Variants in CDC16 observed in about 807,000 individuals in gnomAD.
CDC16 encodes cell division cycle 16.
A neutral mutation model predicts 87.0 loss-of-function variants in CDC16; 34 were observed. The observed-to-expected ratio is 0.39, with a 90% CI of 0.30 to 0.52. The LOEUF is 0.52. Ranked by LOEUF, CDC16 falls within the 20% of genes least tolerant of loss-of-function variation. The pLI is 0.74. For missense variants in CDC16, 653 were observed against 751.9 expected (o/e 0.87, Z 1.54); for synonymous variants, 263 against 260.6 (o/e 1.01, Z -0.09).
At position 114,235,071 on chromosome 13, in the gene CDC16, G is replaced by A. The variant is rs1335513469; in HGVS notation, c.-14G>A. The A allele has an allele frequency of 2.4e-6, 3 of 1,246,734 alleles. No individual in the cohort carries two copies. Among genetic ancestry groups the A allele is most frequent in the Non-Finnish European group, 3.0e-6 (3 of 996,370 alleles). The allele number at this position is 1,246,734 out of a possible 1,614,324, so 77.2% of individuals were successfully genotyped here. On this transcript the variant is annotated 5_prime_UTR_variant, in exon 1 of 18. Coordinates refer to ENST00000356221, the MANE Select transcript of CDC16 (RefSeq NM_001078645.3). Reference sequence around the variant, plus strand: ...TAGCGGCGGAGTGTGGCGTGAGGCCGGGCCCGCGCCGCCATGAACCTAGAG... The same window carrying A: ...TAGCGGCGGAGTGTGGCGTGAGGCCAGGCCCGCGCCGCCATGAACCTAGAG...
At position 114,244,883 on chromosome 13, in the gene CDC16, C is replaced by T. The variant is rs1407590439; in HGVS notation, c.768-7C>T. 1.9e-6 allele frequency: 3 copies of T among 1,603,122 alleles called. No individual in the cohort carries two copies. Among genetic ancestry groups the T allele is most frequent in the African/African-American group, 2.7e-5 (2 of 74,532 alleles). On this transcript the variant is annotated splice_region_variant and splice_polypyrimidine_tract_variant and intron_variant, in intron 8 of 17. Coordinates refer to ENST00000356221, the MANE Select transcript of CDC16 (RefSeq NM_001078645.3). ...TGGGGGTAGTAATGTGTCGCTTTAA[C>T]TTTCAGAGTAATGGAGAAAGATCCT...
At chr13:114,237,544 G>T (rs572666000) in intron 3 of CDC16, among the ~76,000 whole-genome samples, 5 of 151,986 alleles carry the variant, frequency 3.3e-5, no homozygotes, top group Non-Finnish European at 5.9e-5. Context: ...CTCCCGCCTT[G>T]GTCTCCCAAA....
Position 114,272,493 on chromosome 13 carries a change from T to C in CDC16, c.*50T>C. ...CTGTCCCAGTGTAGGTTAGTATTCC[T>C]TCACATCCTCTCCATGGCTTAAGAA... On this transcript the variant is annotated 3_prime_UTR_variant, in exon 18 of 18. Coordinates refer to ENST00000356221, the MANE Select transcript of CDC16 (RefSeq NM_001078645.3). 1 of 1,523,784 alleles carries C rather than the reference T, an allele frequency of 6.6e-7. No individual in the cohort carries two copies. The highest frequency in any genetic ancestry group is 2.3e-5 in the East Asian group (1 of 44,278). The allele number at this position is 1,523,784 out of a possible 1,614,324, so 94.4% of individuals were successfully genotyped here. A position where few individuals can be genotyped will look rare whatever the true frequency, so the allele number is the denominator to read the frequency against.
chr13:114,241,377 C>T (rs1460598049), intron 5 of CDC16, among the ~76,000 whole-genome samples: 1 of 152,220 alleles, frequency 6.6e-6, no homozygotes, highest in Non-Finnish European at 1.5e-5. Context: ...TGTGCTGCCT[C>T]AGCAGGCCAT....
In CDC16 at chr13:114,235,127, G is replaced by T; in HGVS notation, c.43G>T (p.Asp15Tyr). ...RLRKRVRQYL[D>Y]QQQYQSALFW... ...GCGGAAGCGCGTCCGGCAGTACCTC[G>T]ACCAGGTGGGCGGCCCCGACTCGGG... The change falls in exon 1 of 18, where the codon GAC becomes TAC. Residue 15 changes from aspartate (D) to tyrosine (Y), a missense_variant. Asp to Tyr is a radical substitution (Grantham distance 160, BLOSUM62 -3). Coordinates refer to ENST00000356221, the MANE Select transcript of CDC16 (RefSeq NM_001078645.3). 4 of 1,244,598 alleles carry T rather than the reference G, an allele frequency of 3.2e-6. No individual in the cohort carries two copies. The highest frequency in any genetic ancestry group is 1.5e-5 in the African/African-American group (1 of 64,632). The allele number at this position is 1,244,598 out of a possible 1,614,324, so 77.1% of individuals were successfully genotyped here.
At chr13:114,245,028 C>A in intron 9 of CDC16, 59 bp downstream of exon 9, 1 of 1,039,348 alleles carries the variant, frequency 9.6e-7, no homozygotes, top group Non-Finnish European at 1.4e-6. Context: ...TTTTCTGTAA[C>A]TTGAAATTTT....
chr13:114,245,022 C>A, intron 9 of CDC16, 53 bp downstream of exon 9: 1 of 1,076,040 alleles, frequency 9.3e-7, no homozygotes, highest in Non-Finnish European at 1.4e-6. Flanking sequence ...CAAATCTTTT[C>A]TGTAACTTGA....
At chr13:114,245,435 A>T (rs902400663) in intron 9 of CDC16, among the ~76,000 whole-genome samples, 1 of 152,112 alleles carries the variant, frequency 6.6e-6, no homozygotes, top group African/African-American at 2.4e-5. Flanking sequence ...TTCTAAACTG[A>T]ATGGTGAGCT....
chr13:114,270,340 C>T (rs2083533822), intron 17 of CDC16, among the ~76,000 whole-genome samples: 2 of 152,140 alleles, frequency 1.3e-5, no homozygotes, highest in African/African-American at 2.4e-5. Flanking sequence ...ATCACGAGAA[C>T]AGCACCAAGA....
intron 11 of CDC16, among the ~76,000 whole-genome samples, chr13:114,247,845 C>T (rs1216345178): frequency 1.3e-5 from 2 of 152,058 alleles, no homozygotes; most frequent in African/African-American, 4.8e-5. Flanking sequence ...CATTGCACTC[C>T]AGTCTGGGTG....
intron 12 of CDC16, among the ~76,000 whole-genome samples, chr13:114,256,445 A>G (rs2082502633): frequency 6.6e-6 from 1 of 152,242 alleles, no homozygotes; most frequent in African/African-American, 2.4e-5. Context: ...TGAGATCATC[A>G]TCAAGGAAAG....
At chr13:114,237,520 G>A (rs755352263) in intron 3 of CDC16, among the ~76,000 whole-genome samples, 22 of 152,006 alleles carry the variant, frequency 1.4e-4, no homozygotes, top group Non-Finnish European at 2.8e-4. Flanking sequence ...TTGAACTCCT[G>A]GTCTCAAGCA....
At chr13:114,247,047 G>A (rs760274191) in intron 11 of CDC16, 43 bp downstream of exon 11, 1 of 1,239,534 alleles carries the variant, frequency 8.1e-7, no homozygotes, top group Non-Finnish European at 1.2e-6. Flanking sequence ...CTGTAGAATT[G>A]ATGTCTTGCT....
intron 3 of CDC16, among the ~76,000 whole-genome samples, chr13:114,237,917 C>G (rs1156764079): frequency 6.6e-6 from 1 of 152,212 alleles, no homozygotes; most frequent in Non-Finnish European, 1.5e-5. Flanking sequence ...CAAAGTCATT[C>G]AGTGACTTCC....
Position 114,246,058 on chromosome 13 carries a change from T to C in CDC16, c.897+9T>C. The C allele has an allele frequency of 7.5e-7, 1 of 1,331,356 alleles. No individual in the cohort carries two copies. The highest frequency in any genetic ancestry group is 1.0e-6 in the Non-Finnish European group (1 of 956,244). 82.5% of individuals were successfully genotyped at this position (1,331,356 alleles called of 1,614,324 possible). On this transcript the variant is annotated intron_variant, in intron 10 of 17. Transcript: ENST00000356221. Reference sequence around the variant, plus strand: ...TATATCCTAGTAATCCTGTAAGTAATATAACTTTTAGTCTTAGTTTTTTTT... The same window carrying C: ...TATATCCTAGTAATCCTGTAAGTAACATAACTTTTAGTCTTAGTTTTTTTT...
intron 3 of CDC16, among the ~76,000 whole-genome samples, chr13:114,238,660 C>T (rs1267840969): frequency 6.6e-6 from 1 of 152,238 alleles, no homozygotes; most frequent in Non-Finnish European, 1.5e-5. Context: ...TACTCGCTGC[C>T]TCACTTACTC....
At chr13:114,266,775 G>GCTCCCCCTCACCGGGGTTCATGCCATT in intron 17 of CDC16, among the ~76,000 whole-genome samples, 1 of 151,740 alleles carries the variant, frequency 6.6e-6, no homozygotes, top group Non-Finnish European at 1.5e-5. Context: ...CTCACTGCAA[G>GCTCCCCCTCACCGGGGTTCATGCCATT]CTCCCCCTCA....
intron 13 of CDC16, among the ~76,000 whole-genome samples, chr13:114,258,818 T>C (rs1470774961): frequency 6.6e-6 from 1 of 152,070 alleles, no homozygotes; most frequent in African/African-American, 2.4e-5. Flanking sequence ...AATACTGTGG[T>C]TGGGTGCGGT....
intron 3 of CDC16, among the ~76,000 whole-genome samples, chr13:114,238,519 C>T (rs1183730842): frequency 6.6e-6 from 1 of 151,288 alleles, no homozygotes; most frequent in African/African-American, 2.5e-5. Flanking sequence ...CTGCGATCTC[C>T]TCGGACGCCC....
Sources: gnomAD v4.1 joint callset for allele counts (sites outside exome capture counted in the v4.1 genomes callset) on GRCh38, gnomAD v4.1.1 for gene constraint, MANE v1.5 for transcripts, NCBI Gene and HGNC (gene_info 2026-07-23, HGNC 2026-07-21) for gene names.